The following NDST1 variants were observed in gnomAD, a reference collection of about 807,000 sequenced individuals.
NDST1 encodes the protein bifunctional heparan sulfate N-deacetylase/N-sulfotransferase 1.
In NDST1, 35 loss-of-function variants were observed where a neutral mutation model predicts 92.8. That is an observed-to-expected ratio of 0.38 (90% confidence interval 0.29 to 0.50). The LOEUF (loss-of-function observed/expected upper bound fraction) is 0.50. NDST1 is among the 20% of genes least tolerant of loss of function. The probability of loss-of-function intolerance (pLI) is 0.94; values close to 1 mark genes in which losing one functional copy is unlikely to be tolerated. For synonymous variants in NDST1, 493 were observed against 500.3 expected (o/e 0.99, Z 0.19); for missense variants, 822 against 1,182.7 (o/e 0.69, Z 4.47).
At chr5:150,530,678 C>A (rs1317396592) in intron 3 of NDST1, among the ~76,000 whole-genome samples, 3 of 151,484 alleles carry the variant, frequency 2.0e-5, no homozygotes, top group African/African-American at 7.3e-5. Flanking sequence ...CCCACCTCAG[C>A]CTCCTGAGTA....
chr5:150,544,599 A>G (rs1401198120), intron 10 of NDST1, among the ~76,000 whole-genome samples: 9 of 152,192 alleles, frequency 5.9e-5, no homozygotes, highest in Admixed American at 5.9e-4. Flanking sequence ...TGTACCCTTC[A>G]TGAGAGTGGA....
chr5:150,520,659 G>C (rs988544523), intron 1 of NDST1, among the ~76,000 whole-genome samples: 1 of 152,194 alleles, frequency 6.6e-6, no homozygotes, highest in Non-Finnish European at 1.5e-5. Flanking sequence ...CCCCTTATGA[G>C]ATGGGTTCAT....
upstream of NDST1, chr5:150,507,649 C>G: frequency 6.6e-6 from 1 of 152,398 alleles, no homozygotes; most frequent in Non-Finnish European, 1.5e-5. Context: ...ATCATAGACA[C>G]TTTTCCCTCC....
intron 2 of NDST1, among the ~76,000 whole-genome samples, chr5:150,525,841 C>T (rs1472343584): frequency 6.6e-6 from 1 of 152,188 alleles, no homozygotes; most frequent in Non-Finnish European, 1.5e-5. Context: ...TCTCCCCCTC[C>T]AAACTCATTT....
In NDST1 at chr5:150,541,594, A is replaced by G. The variant is rs894747610; in HGVS notation, c.1774A>G (p.Lys592Glu). ...WQDPCEDKRH[K>E]DIWSKEKTCD... ...GGACCCCTGCGAGGACAAACGTCAC[A>G]AAGACATCTGGTCCAAGGAGAAGAC... Residue 592 changes from lysine to glutamate, a missense_variant, in exon 9 of 15, where the codon AAA becomes GAA. Physicochemically the swap from Lys to Glu is moderately conservative, Grantham distance 56 (BLOSUM62 1). Transcript: ENST00000261797. 6 of 1,614,108 alleles carry G rather than the reference A, an allele frequency of 3.7e-6. No homozygotes were observed. The highest frequency in any genetic ancestry group is 5.1e-6 in the Non-Finnish European group (6 of 1,180,056).
In NDST1 at chr5:150,521,674, C is replaced by A; in HGVS notation, c.420C>A (p.Asn140Lys). Residue 140 changes from asparagine (N) to lysine (K), a missense_variant, in exon 2 of 15, where the codon AAC (asparagine) becomes AAA (lysine). Asn to Lys is a moderately conservative substitution (Grantham distance 94). Transcript: ENST00000261797. This position sits in a 1 kb window ranked among gnomAD's most constrained non-coding sequence, Gnocchi z 5.9. ...RGRFALIIYE[N>K]ILKYVNLDAW... ...GCTTCGCCCTCATCATCTATGAGAA[C>A]ATCCTCAAGTATGTCAACCTGGACG... 1 of 1,614,122 alleles carries A rather than the reference C, an allele frequency of 6.2e-7. No individual in the cohort carries two copies. Among genetic ancestry groups the A allele is most frequent in the Non-Finnish European group, 8.5e-7 (1 of 1,180,050 alleles).
intron 11 of NDST1, among the ~76,000 whole-genome samples, chr5:150,546,784 T>C (rs1390985014): frequency 6.6e-6 from 1 of 152,264 alleles, no homozygotes; most frequent in Non-Finnish European, 1.5e-5. Context: ...CCTGCCACTC[T>C]CTGAGGCTGG....
chr5:150,502,275 G>A (rs952749082), intron 1 of NDST1, among the ~76,000 whole-genome samples: 2 of 152,140 alleles, frequency 1.3e-5, no homozygotes, highest in African/African-American at 2.4e-5. Context: ...TGGGGACGGC[G>A]GGGGAGCAAC....
intron 1 of NDST1, among the ~76,000 whole-genome samples, chr5:150,511,879 G>T (rs1339090078): frequency 2.0e-5 from 3 of 152,074 alleles, no homozygotes; most frequent in African/African-American, 4.8e-5. Context: ...TGAGCTGGAT[G>T]TGGTGGGTGG....
intron 3 of NDST1, 128 bp downstream of exon 3, chr5:150,528,426 C>T (rs1241075366): frequency 3.8e-6 from 4 of 1,059,040 alleles, no homozygotes; most frequent in South Asian, 3.5e-5. Flanking sequence ...AAGACAGTCC[C>T]ACTCTGCTTC....
chr5:150,532,896 G>A (rs1399746381), intron 3 of NDST1, 49 bp from the exon 4 acceptor site: 3 of 1,532,114 alleles, frequency 2.0e-6, no homozygotes, highest in Non-Finnish European at 1.8e-6. Flanking sequence ...GAAAAGCAGG[G>A]AGCTCCTGGC....
At chr5:150,508,980 C>T (rs1753591556) in intron 1 of NDST1, among the ~76,000 whole-genome samples, 2 of 152,158 alleles carry the variant, frequency 1.3e-5, no homozygotes, top group Non-Finnish European at 2.9e-5. Context: ...GCACCCCCTG[C>T]CTCTGTCTTC....
At chr5:150,500,879 A>G (rs962819684) in intron 1 of NDST1, among the ~76,000 whole-genome samples, 15 of 152,232 alleles carry the variant, frequency 9.9e-5, no homozygotes, top group Admixed American at 2.0e-4. Context: ...CTGGGACCCC[A>G]GGTCTTCCAA....
rs750296874 is a variant in NDST1 at position 150,539,376 on chromosome 5, T to C, written c.1566+20T>C. 1.9e-6 allele frequency: 3 copies of C among 1,613,658 alleles called. No individual in the cohort carries two copies. The Admixed American group carries it at 5.0e-5, about 27-fold the overall frequency. On this transcript the variant is annotated intron_variant, in intron 7 of 14. Transcript: ENST00000261797. Reference sequence around the variant, plus strand: ...AATCCTGTGAGTGCTCCACAGCCCATGGCTGCTGGTGAGAAGGGGCTGCTG... The same window carrying C: ...AATCCTGTGAGTGCTCCACAGCCCACGGCTGCTGGTGAGAAGGGGCTGCTG...
upstream of NDST1, among the ~76,000 whole-genome samples, chr5:150,505,262 G>A (rs1753399662): frequency 6.6e-6 from 1 of 152,164 alleles, no homozygotes; most frequent in African/African-American, 2.4e-5. Flanking sequence ...CCTGCTCCCG[G>A]CTGTCCACCA....
intron 10 of NDST1, among the ~76,000 whole-genome samples, chr5:150,543,929 G>A (rs1033921510): frequency 2.6e-5 from 4 of 152,102 alleles, no homozygotes; most frequent in South Asian, 2.1e-4. Context: ...ACAGGTGCCC[G>A]CCACCATGCC....
intron 1 of NDST1, among the ~76,000 whole-genome samples, chr5:150,500,359 C>T (rs1753176206): frequency 6.6e-6 from 1 of 152,196 alleles, no homozygotes; most frequent in Admixed American, 6.5e-5. Context: ...AGGGAGGAGC[C>T]TTGGGTGGCT....
intron 2 of NDST1, among the ~76,000 whole-genome samples, chr5:150,522,751 C>A (rs1476702986): frequency 6.6e-6 from 1 of 152,034 alleles, no homozygotes; most frequent in East Asian, 1.9e-4. Flanking sequence ...CAAAAAGAAA[C>A]AAAGCAGGGA....
chr5:150,524,387 G>A (rs779687913), intron 2 of NDST1, among the ~76,000 whole-genome samples: 2 of 152,250 alleles, frequency 1.3e-5, no homozygotes, highest in Non-Finnish European at 2.9e-5. Context: ...GTGAGATCCT[G>A]GAGGGTGGTG....
Sources: allele counts gnomAD v4.1 joint callset (sites outside exome capture counted in the v4.1 genomes callset), GRCh38; gene constraint gnomAD v4.1.1; non-coding constraint Gnocchi (gnomAD v3.1); transcripts MANE v1.5; gene names NCBI Gene and HGNC (gene_info 2026-07-23, HGNC 2026-07-21).